ALMS1: variants seen among roughly 807,000 people sequenced by gnomAD.
The protein encoded by ALMS1 is centrosome-associated protein ALMS1.
Under a neutral mutation model 352.2 loss-of-function variants are expected in ALMS1, and 271 were observed. The observed-to-expected ratio is 0.77, with a 90% CI of 0.70 to 0.85. The LOEUF (loss-of-function observed/expected upper bound fraction) is 0.85, where lower values mean the gene tolerates loss of function less well. Ranked by LOEUF, ALMS1 falls within the 40% of genes least tolerant of loss-of-function variation. The pLI is 0.00. For missense variants in ALMS1, 5,445 were observed against 4,870.7 expected, an observed-to-expected ratio of 1.12 and a Z score of -3.51; for synonymous variants, 1,865 against 1,761.2, an observed-to-expected ratio of 1.06 and a Z score of -1.48.
At chr2:73,427,381 A>G (rs1174886837) in intron 6 of ALMS1, among the ~76,000 whole-genome samples, 1 of 152,214 alleles carries the variant, frequency 6.6e-6, no homozygotes, top group Non-Finnish European at 1.5e-5. Flanking sequence ...AATGAGCAAC[A>G]TACTAATGTA....
In ALMS1 at chr2:73,449,762, T is replaced by C; in HGVS notation, c.3235T>C (p.Phe1079Leu). The C allele has an allele frequency of 6.2e-7, 1 of 1,613,882 alleles. No individual in the cohort carries two copies. The highest frequency in any genetic ancestry group is 1.1e-5 in the South Asian group (1 of 91,064). The part of the protein sequence containing the change: ...LPEESLKVSA[F>L]PGPADQMTDT... ...TGAAGAGAGTCTGAAAGTTTCAGCC[T>C]TCCCTGGACCAGCTGACCAGATGAC... The change falls in exon 8 of 23, where the codon TTC becomes CTC. Residue 1079 changes from phenylalanine to leucine, a missense_variant. Coordinates refer to ENST00000613296, the MANE Select transcript of ALMS1 (RefSeq NM_001378454.1).
intron 1 of ALMS1, among the ~76,000 whole-genome samples, chr2:73,407,454 C>G (rs915316430): frequency 6.6e-6 from 1 of 151,812 alleles, no homozygotes; most frequent in Admixed American, 6.6e-5. Context: ...AATTTTTATG[C>G]TTTTGTCTTT....
chr2:73,454,316 G>T (rs967712923), intron 8 of ALMS1: 1 of 984,868 alleles, frequency 1.0e-6, no homozygotes, highest in Non-Finnish European at 1.2e-6. Flanking sequence ...AATAGTACCA[G>T]CCTGAGTTTA....
At chr2:73,484,169 T>C (rs1293231671) in intron 9 of ALMS1, among the ~76,000 whole-genome samples, 9 of 151,792 alleles carry the variant, frequency 5.9e-5, no homozygotes, top group Admixed American at 1.3e-4. Context: ...TTCCTAGTCT[T>C]GATGGTCTTT....
At chr2:73,542,361 A>T (rs944996923) in intron 12 of ALMS1, among the ~76,000 whole-genome samples, 7 of 152,190 alleles carry the variant, frequency 4.6e-5, no homozygotes, top group Admixed American at 3.3e-4. Flanking sequence ...TATTGATGGG[A>T]CATATCTCAA....
At chr2:73,483,973 A>T (rs1392127847) in intron 9 of ALMS1, among the ~76,000 whole-genome samples, 1 of 150,696 alleles carries the variant, frequency 6.6e-6, no homozygotes. Context: ...GTGTCTCTGC[A>T]TGTGAGATGG....
chr2:73,590,846 T>A (rs1043171038), intron 16 of ALMS1, among the ~76,000 whole-genome samples: 13 of 151,940 alleles, frequency 8.6e-5, no homozygotes, highest in African/African-American at 2.4e-4. Context: ...GCCTGACTAA[T>A]TTTTTTGTAT....
intron 1 of ALMS1, among the ~76,000 whole-genome samples, chr2:73,396,257 C>A (rs1179656144): frequency 6.6e-6 from 1 of 151,966 alleles, no homozygotes; most frequent in Admixed American, 6.6e-5. Flanking sequence ...AAATAACTCA[C>A]TTTGTCACAG....
chr2:73,419,981 A>C (rs1302699501), intron 3 of ALMS1, among the ~76,000 whole-genome samples: 3 of 152,210 alleles, frequency 2.0e-5, no homozygotes, highest in Non-Finnish European at 4.4e-5. Context: ...TATCCAAATC[A>C]AGGTATTAGT....
At position 73,426,555 on chromosome 2, in the gene ALMS1, T is replaced by C; in HGVS notation, c.1338+2T>C. 1 of 1,613,164 alleles carries C rather than the reference T, an allele frequency of 6.2e-7. No homozygotes were observed. Among genetic ancestry groups the C allele is most frequent in the Non-Finnish European group, 8.5e-7 (1 of 1,179,122 alleles). On this transcript the variant is annotated splice_donor_variant, in intron 6 of 22. Coordinates refer to ENST00000613296, the MANE Select transcript of ALMS1 (RefSeq NM_001378454.1). LOFTEE classifies it high-confidence loss of function. ...AGAGTTGCTGAACTACAAAGAAAGGTGAGACACAATAAAATGATAGTTGTA... is the reference window on the plus strand; with the variant it reads ...AGAGTTGCTGAACTACAAAGAAAGGCGAGACACAATAAAATGATAGTTGTA...
At chr2:73,465,726 C>T (rs554135861) in intron 9 of ALMS1, among the ~76,000 whole-genome samples, 2,363 of 147,676 alleles carry the variant, frequency 0.016, 54 homozygotes, top group Admixed American at 0.047. Flanking sequence ...AGAAAATTTT[C>T]GCAACCTACT....
chr2:73,538,531 G>C (rs1414334997), intron 12 of ALMS1, among the ~76,000 whole-genome samples: 1 of 152,118 alleles, frequency 6.6e-6, no homozygotes, highest in Non-Finnish European at 1.5e-5. Flanking sequence ...TTGTAGGACA[G>C]TGGGTGCAGG....
intron 5 of ALMS1, among the ~76,000 whole-genome samples, chr2:73,425,375 T>C (rs1671359381): frequency 6.6e-6 from 1 of 152,174 alleles, no homozygotes; most frequent in Non-Finnish European, 1.5e-5. Context: ...ATATTAGGAA[T>C]GTTATAGCTC....
At chr2:73,603,089 T>G (rs1675734463) in intron 20 of ALMS1, 152 bp from the exon 21 acceptor site, 18 of 726,936 alleles carry the variant, frequency 2.5e-5, no homozygotes, top group Non-Finnish European at 4.0e-5. Context: ...TACCCTAGTC[T>G]TACACTGGCT....
intron 12 of ALMS1, among the ~76,000 whole-genome samples, chr2:73,548,294 TG>T (rs1228575442): frequency 2.0e-5 from 3 of 152,312 alleles, no homozygotes; most frequent in Admixed American, 6.5e-5. Flanking sequence ...GGAGCAATAA[TG>T]TTAACTCTTG....
Position 73,490,687 on chromosome 2 carries a change from C to A in ALMS1, c.8728C>A (p.His2910Asn). The A allele has an allele frequency of 6.2e-7, 1 of 1,614,054 alleles. No homozygotes were observed. Among genetic ancestry groups the A allele is most frequent in the East Asian group, 2.2e-5 (1 of 44,880 alleles). The change falls in exon 10 of 23, where the codon CAT becomes AAT. Residue 2910 changes from histidine to asparagine, a missense_variant. Transcript: ENST00000613296. ...GAAACACCATTCTCCCTCTCCTCAA[C>A]ATCAGGATTATGTAGCTCCAGACCT... is the stretch of plus-strand genomic sequence containing the variant. Reference protein sequence around the residue: ...VRKHHSPSPQHQDYVAPDLPS... With the variant: ...VRKHHSPSPQNQDYVAPDLPS...
intron 1 of ALMS1, 125 bp downstream of exon 1, chr2:73,386,317 AG>A (rs1008058925): frequency 1.6e-5 from 21 of 1,325,354 alleles, no homozygotes; most frequent in Non-Finnish European, 2.1e-5. Context: ...TGAGGCTAGT[AG>A]GCGGCCCAGA....
Position 73,426,473 on chromosome 2 carries a change from G to A in ALMS1, c.1258G>A (p.Glu420Lys), listed in dbSNP as rs1558640087. 2 of 1,614,116 alleles carry A rather than the reference G, an allele frequency of 1.2e-6. No individual in the cohort carries two copies. Among genetic ancestry groups the A allele is most frequent in the East Asian group, 4.5e-5 (2 of 44,890 alleles). The stretch of plus-strand genomic sequence containing the variant: ...TGTAGAGGGCCTGCAGGGGAAGGTT[G>A]AGTCTGACGTCATTACTCTGGATGG... ...YLTKGLQGKV[E>K]SDVITLDGLN... Residue 420 changes from glutamate to lysine, a missense_variant, in exon 6 of 23, where the codon GAG becomes AAG. Transcript: ENST00000613296.
chr2:73,437,637 G>T (rs768602224), intron 7 of ALMS1, among the ~76,000 whole-genome samples: 1 of 151,980 alleles, frequency 6.6e-6, no homozygotes, highest in Non-Finnish European at 1.5e-5. Context: ...GGTTAAAATG[G>T]TACATCTCAT....
Sources: allele counts gnomAD v4.1 joint callset (sites outside exome capture counted in the v4.1 genomes callset), GRCh38; gene constraint gnomAD v4.1.1; transcripts MANE v1.5; gene names NCBI Gene and HGNC (gene_info 2026-07-23, HGNC 2026-07-21).